IGSF9B: variants seen among roughly 807,000 people sequenced by gnomAD.
IGSF9B encodes immunoglobulin superfamily member 9B.
IGSF9B carries 48 observed loss-of-function variants against 143.7 expected under a neutral mutation model. The ratio of observed to expected loss-of-function variants is 0.33; its 90% CI spans 0.26 to 0.42. IGSF9B has a LOEUF of 0.42. Among genes scored for constraint, IGSF9B ranks in the 20% least tolerant of loss-of-function variants. The probability of loss-of-function intolerance (pLI) is 1.00; values close to 1 mark genes in which losing one functional copy is unlikely to be tolerated. For missense variants in IGSF9B, 1,706 were observed against 1,980.0 expected (o/e 0.86, Z 2.63); for synonymous variants, 903 against 833.1 (o/e 1.08, Z -1.44).
rs150893561 is a variant in IGSF9B, at chr11:133,901,797, C to CCA, written c.*7270_*7271dup. 0.21 allele frequency among the ~76,000 whole-genome samples: 31,931 copies of CCA among 150,886 alleles called. 3,880 individuals are homozygous for CCA. The highest frequency in any genetic ancestry group is 0.42 in the East Asian group (2,113 of 5,068). Reference sequence around the variant, plus strand: ...TCTGTACAAATCTCTCTCACACACACCACACACAACAGACACACCACACCA... The same window carrying CCA: ...TCTGTACAAATCTCTCTCACACACACCACACACACAACAGACACACCACACCA... On this transcript the variant is annotated 3_prime_UTR_variant, in exon 20 of 20. Transcript: ENST00000533871.
Position 133,931,189 on chromosome 11 carries a change from G to A in IGSF9B, c.1369-55C>T. 1.9e-6 allele frequency: 3 copies of A among 1,548,476 alleles called. No individual in the cohort carries two copies. Among genetic ancestry groups the A allele is most frequent in the Non-Finnish European group, 2.6e-6 (3 of 1,137,580 alleles). On this transcript the variant is annotated intron_variant, in intron 10 of 19. Coordinates refer to ENST00000533871, the MANE Select transcript of IGSF9B (RefSeq NM_001277285.4). This position sits in a 1 kb window ranked among gnomAD's most constrained non-coding sequence, Gnocchi z 7.7. Reference sequence around the variant, plus strand: ...GGGAACAGAAATGGGGGTTAGGAGAGAAGCCCGAAGCAGATGGGGAGGACG... The same window carrying A: ...GGGAACAGAAATGGGGGTTAGGAGAAAAGCCCGAAGCAGATGGGGAGGACG...
At chr11:133,927,167 G>C (rs768334985) in intron 12 of IGSF9B, 76 bp from the exon 13 acceptor site, 1 of 1,228,470 alleles carries the variant, frequency 8.1e-7, no homozygotes, top group Non-Finnish European at 1.1e-6. Context: ...GTGCATGCAG[G>C]GTGCTCAGGG....
chr11:133,919,212 C>T (rs929405873), intron 18 of IGSF9B: 4 of 377,622 alleles, frequency 1.1e-5, no homozygotes, highest in African/African-American at 4.2e-5. Context: ...GGCTGGAGTC[C>T]GGCGCTCACT....
chr11:133,945,578 G>A lies in IGSF9B; in HGVS notation c.262+483C>T, dbSNP rs959069031. Among the ~76,000 whole-genome samples the A allele has an allele frequency of 2.0e-5, 3 of 152,174 alleles. No individual in the cohort carries two copies. The highest frequency in any genetic ancestry group is 2.1e-4 in the South Asian group (1 of 4,828). ...AGTAACTGCCAAACAGGACACAGAC[G>A]GGGCCAGGAGAAGGAGAGGACAGCA... On this transcript the variant is annotated intron_variant, in intron 2 of 19. Coordinates refer to ENST00000533871, the MANE Select transcript of IGSF9B (RefSeq NM_001277285.4). The surrounding 1 kb of genome is among the most constrained non-coding windows in gnomAD (Gnocchi z 4.6).
At chr11:133,922,124 TATGCGCCCCCTGCC>T in intron 17 of IGSF9B, 39 bp downstream of exon 17, 1 of 1,505,180 alleles carries the variant, frequency 6.6e-7, no homozygotes, top group South Asian at 1.2e-5. Flanking sequence ...GCGGTCTACC[TATGCGCCCCCTGCC>T]ATGAACAGCA....
Position 133,909,123 on chromosome 11 carries a change from T to C in IGSF9B, c.4260A>G (p.Thr1420=). Residue 1420 remains threonine (T), a synonymous_variant, in exon 20 of 20, where the codon ACA becomes ACG. Coordinates refer to ENST00000533871, the MANE Select transcript of IGSF9B (RefSeq NM_001277285.4). The surrounding 1 kb of genome is among the most constrained non-coding windows in gnomAD (Gnocchi z 4.2). ...CGTGGTCCACACTGTTGAGAATCGC[T>C]GTCTGGTCTTCCGGAAGCTGGCGGT... ...LCHRQLPEDQ[T]AILNSVDHDD... is the part of the protein sequence containing the mutation. 5 of 1,535,912 alleles carry C rather than the reference T, an allele frequency of 3.3e-6. No individual in the cohort carries two copies. Among genetic ancestry groups the C allele is most frequent in the Non-Finnish European group, 3.5e-6 (4 of 1,146,734 alleles).
intron 7 of IGSF9B, 120 bp from the exon 8 acceptor site, chr11:133,932,333 C>T (rs1939748156): frequency 9.7e-6 from 8 of 828,648 alleles, no homozygotes; most frequent in African/African-American, 1.8e-5. Context: ...GGTGGGAGAG[C>T]AGACAGACAG....
chr11:133,911,618 T>G (rs1939302832), intron 19 of IGSF9B, among the ~76,000 whole-genome samples: 1 of 152,186 alleles, frequency 6.6e-6, no homozygotes, highest in Non-Finnish European at 1.5e-5. Context: ...GTTCTCCAGG[T>G]GAGTGGAAAC....
rs1390089246 is a variant in IGSF9B, at chr11:133,927,097, C to A, written c.1632-6G>T. 1.3e-6 allele frequency: 2 copies of A among 1,545,154 alleles called. No individual in the cohort carries two copies. Among genetic ancestry groups the A allele is most frequent in the Non-Finnish European group, 1.8e-6 (2 of 1,140,914 alleles). ...CAAACTGTGCCCGCTTCATCCTGGC[C>A]AAAAGAGAGAGACAGGATAGGGGAC... On this transcript the variant is annotated splice_region_variant and splice_polypyrimidine_tract_variant and intron_variant, in intron 12 of 19. Coordinates refer to ENST00000533871, the MANE Select transcript of IGSF9B (RefSeq NM_001277285.4).
intron 18 of IGSF9B, among the ~76,000 whole-genome samples, chr11:133,916,338 C>A (rs926338200): frequency 2.0e-5 from 3 of 152,186 alleles, no homozygotes; most frequent in African/African-American, 7.2e-5. Flanking sequence ...AGGAGAGGAA[C>A]TGAAGGGAAA....
At chr11:133,950,335 TG>T (rs1405402931) in intron 1 of IGSF9B, among the ~76,000 whole-genome samples, 2 of 152,204 alleles carry the variant, frequency 1.3e-5, no homozygotes, top group African/African-American at 4.8e-5. Context: ...TCGCGTGCTG[TG>T]AATGCCTGCT....
chr11:133,945,930 TG>T lies in IGSF9B; in HGVS notation c.262+130del. 1 of 665,402 alleles carries T rather than the reference TG, an allele frequency of 1.5e-6. No individual in the cohort carries two copies. Among genetic ancestry groups the T allele is most frequent in the Admixed American group, 3.0e-5 (1 of 33,008 alleles). 41.2% of individuals were successfully genotyped at this position (665,402 alleles called of 1,614,324 possible). On this transcript the variant is annotated intron_variant, in intron 2 of 19. Coordinates refer to ENST00000533871, the MANE Select transcript of IGSF9B (RefSeq NM_001277285.4). This position sits in a 1 kb window ranked among gnomAD's most constrained non-coding sequence, Gnocchi z 4.6. Reference sequence around the variant, plus strand: ...ATTAGAACCAACAGAGGACAAAGGATGGGAGGAACCAGGCAGAGACTGGGAA... The same window carrying T: ...ATTAGAACCAACAGAGGACAAAGGATGGAGGAACCAGGCAGAGACTGGGAA...
At position 133,948,617 on chromosome 11, in the gene IGSF9B, C is replaced by CTGTG. The variant is rs59414581; in HGVS notation, c.65-2363_65-2360dup. ...TGGGTGCCATGAGTTTGCAGAGAAG[C>CTGTG]TGTGTGTGTGTGTGTGTGTGTGTGT... On this transcript the variant is annotated intron_variant, in intron 1 of 19. Transcript: ENST00000533871. The surrounding 1 kb of genome is among the most constrained non-coding windows in gnomAD (Gnocchi z 4.7). Among the ~76,000 whole-genome samples the CTGTG allele has an allele frequency of 0.01, 1,473 of 140,986 alleles. 12 individuals are homozygous for CTGTG. The highest frequency in any genetic ancestry group is 0.026 in the African/African-American group (973 of 37,404). The allele number at this position is 140,986 out of a possible 152,430, so 92.5% of individuals were successfully genotyped here.
chr11:133,932,122 C>A lies in IGSF9B; in HGVS notation c.1059G>T (p.Pro353=). 1 of 1,613,706 alleles carries A rather than the reference C, an allele frequency of 6.2e-7. No homozygotes were observed. Residue 353 remains proline (P), a synonymous_variant, in exon 8 of 20, where the codon CCG becomes CCT. Transcript: ENST00000533871. ...CCTTGTTCCACTTGACCACGGTGGC[C>A]GGTGGTTCTGCGTCCACAGGGCAGC... ...YIRCPVDAEP[P]ATVVKWNKDG...
rs1412505262 is a variant in IGSF9B, at chr11:133,931,562, G to C, written c.1259C>G (p.Pro420Arg). The change falls in exon 10 of 20, where the codon CCC becomes CGC. Residue 420 changes from proline to arginine, a missense_variant. Coordinates refer to ENST00000533871, the MANE Select transcript of IGSF9B (RefSeq NM_001277285.4). This position sits in a 1 kb window ranked among gnomAD's most constrained non-coding sequence, Gnocchi z 7.7. ...CCAGCCTGGTAGCACCGTGAAATAGGGGGGGTCCTGGGGAGGAAAGCACAG... is the reference window on the plus strand; with the variant it reads ...CCAGCCTGGTAGCACCGTGAAATAGCGGGGGTCCTGGGGAGGAAAGCACAG... ...APARLVLKDPPYFTVLPGWEY... is the reference protein window; with the variant it reads ...APARLVLKDPRYFTVLPGWEY... 3 of 1,613,172 alleles carry C rather than the reference G, an allele frequency of 1.9e-6. No individual in the cohort carries two copies. The highest frequency in any genetic ancestry group is 2.5e-6 in the Non-Finnish European group (3 of 1,179,702).
At chr11:133,935,098 T>G (rs1238006769) in intron 7 of IGSF9B, among the ~76,000 whole-genome samples, 1 of 152,090 alleles carries the variant, frequency 6.6e-6, no homozygotes, top group Non-Finnish European at 1.5e-5. Flanking sequence ...CATCTGGATC[T>G]CCAGCCACCC....
chr11:133,929,829 G>A (rs764555405), intron 11 of IGSF9B, 47 bp from the exon 12 acceptor site: 14 of 1,322,670 alleles, frequency 1.1e-5, no homozygotes, highest in Admixed American at 3.4e-5. Flanking sequence ...ACTCAGCCAC[G>A]TGGCTGGGTG....
At chr11:133,940,431 G>A (rs1399202423) in intron 3 of IGSF9B, among the ~76,000 whole-genome samples, 12 of 138,806 alleles carry the variant, frequency 8.6e-5, no homozygotes, top group Non-Finnish European at 1.1e-4. Context: ...CCTCGCACGC[G>A]TCATCACATG....
At chr11:133,927,153 G>C (rs928734957) in intron 12 of IGSF9B, 62 bp from the exon 13 acceptor site, 3 of 1,362,678 alleles carry the variant, frequency 2.2e-6, no homozygotes, top group African/African-American at 2.9e-5. Context: ...CTGGAGAGAA[G>C]AGGGTGCATG....
Sources: allele counts gnomAD v4.1 joint callset (sites outside exome capture counted in the v4.1 genomes callset), GRCh38; gene constraint gnomAD v4.1.1; non-coding constraint Gnocchi (gnomAD v3.1); transcripts MANE v1.5; gene names NCBI Gene and HGNC (gene_info 2026-07-23, HGNC 2026-07-21).